BCAS1: variants seen among roughly 807,000 people sequenced by gnomAD.
BCAS1 encodes brain enriched myelin associated protein 1.
In BCAS1, 46 loss-of-function variants were observed where a neutral mutation model predicts 65.4. That is an observed-to-expected ratio of 0.70 (90% CI 0.55 to 0.90). The LOEUF is 0.90. BCAS1 is among the 40% of genes least tolerant of loss of function. The probability of loss-of-function intolerance (pLI) is 0.00; values close to 1 mark genes in which losing one functional copy is unlikely to be tolerated. For synonymous variants in BCAS1, 298 were observed against 293.5 expected, an observed-to-expected ratio of 1.02 and a Z score of -0.16; for missense variants, 793 against 771.2, an observed-to-expected ratio of 1.03 and a Z score of -0.33.
chr20:54,015,830 G>C (rs2091425483), intron 4 of BCAS1, among the ~76,000 whole-genome samples: 2 of 152,130 alleles, frequency 1.3e-5, no homozygotes, highest in African/African-American at 4.8e-5. Flanking sequence ...GCAGTCTAGA[G>C]GAGGAATCGA....
intron 2 of BCAS1, 31 bp downstream of exon 2, chr20:54,058,615 TG>T: frequency 5.3e-6 from 8 of 1,516,404 alleles, no homozygotes; most frequent in South Asian, 5.0e-5. Context: ...TTTTTTTTTC[TG>T]CTGATGCCCC....
rs546272341 is a variant in BCAS1, at chr20:53,965,822, T to C, written c.1485+1084A>G. 2.6e-5 allele frequency among the ~76,000 whole-genome samples: 4 copies of C among 152,264 alleles called. No homozygotes were observed. The South Asian group carries it at 8.3e-4, about 32-fold the overall frequency. On this transcript the variant is annotated intron_variant, in intron 10 of 12. Coordinates refer to ENST00000688948, the MANE Select transcript of BCAS1 (RefSeq NM_001366298.2). Reference sequence around the variant, plus strand: ...CAAATGTAATTCAAAGAAAACCTCATATCATTACCATAATAAGAAAAGCAG... The same window carrying C: ...CAAATGTAATTCAAAGAAAACCTCACATCATTACCATAATAAGAAAAGCAG...
At chr20:54,066,541 C>T (rs1479813253) in intron 1 of BCAS1, among the ~76,000 whole-genome samples, 2 of 152,224 alleles carry the variant, frequency 1.3e-5, no homozygotes, top group African/African-American at 4.8e-5. Context: ...GAAATGTGGC[C>T]TCTAAGGAAT....
intron 2 of BCAS1, 43 bp downstream of exon 2, chr20:54,058,593 CTTTTTTTTTTT>C (rs3043223): frequency 1.6e-6 from 2 of 1,224,768 alleles, no homozygotes; most frequent in East Asian, 3.3e-5. Context: ...ACAGGAAGTT[CTTTTTTTTTTT>C]TTTTTTTTTC....
chr20:54,038,718 T>C (rs972670047), intron 3 of BCAS1, among the ~76,000 whole-genome samples: 1 of 151,482 alleles, frequency 6.6e-6, no homozygotes, highest in Non-Finnish European at 1.5e-5. Context: ...TGTCCATGTA[T>C]GAACATTATT....
intron 8 of BCAS1, among the ~76,000 whole-genome samples, chr20:53,984,906 A>G (rs879631414): frequency 3.9e-5 from 6 of 152,196 alleles, no homozygotes; most frequent in Admixed American, 2.0e-4. Flanking sequence ...GAAGACAGAC[A>G]GCCCCTAGGT....
At chr20:54,036,656 A>C (rs372825657) in intron 3 of BCAS1, among the ~76,000 whole-genome samples, 10 of 151,494 alleles carry the variant, frequency 6.6e-5, no homozygotes, top group East Asian at 3.9e-4. Context: ...CTGAGGATTA[A>C]ATGAAATATT....
Position 54,001,165 on chromosome 20 carries a change from G to A in BCAS1, c.724-5115C>T, listed in dbSNP as rs78504909. ...TAGTTCTGGCTTTTAAGATTTGTTC[G>A]TGAAACTGACTTTGCAAAAATTATG... On this transcript the variant is annotated intron_variant, in intron 4 of 12. Coordinates refer to ENST00000688948, the MANE Select transcript of BCAS1 (RefSeq NM_001366298.2). 1.1e-3 allele frequency among the ~76,000 whole-genome samples: 165 copies of A among 152,208 alleles called. 5 individuals carry two copies. The East Asian group carries it at 0.027, about 25-fold the overall frequency.
Position 54,028,436 on chromosome 20 carries a change from C to G in BCAS1, c.679G>C (p.Val227Leu). ...RAEHQDKVDE[V>L]PGLSGQSDDV... ...TCGGACTGCCCTGATAAGCCAGGAA[C>G]CTCATCCACCTTGTCTTGATGCTCT... is the stretch of plus-strand genomic sequence containing the variant. The change falls in exon 4 of 13, where the codon GTT (valine) becomes CTT (leucine). Residue 227 changes from valine (V) to leucine (L), a missense_variant. Val to Leu is a conservative substitution (Grantham distance 32, BLOSUM62 1). Coordinates refer to ENST00000688948, the MANE Select transcript of BCAS1 (RefSeq NM_001366298.2). The G allele has an allele frequency of 1.2e-6, 2 of 1,614,246 alleles. No individual in the cohort carries two copies. Among genetic ancestry groups the G allele is most frequent in the Non-Finnish European group, 8.5e-7 (1 of 1,180,046 alleles).
chr20:53,998,410 C>G (rs566982969), intron 4 of BCAS1, among the ~76,000 whole-genome samples: 116 of 152,286 alleles, frequency 7.6e-4, no homozygotes, highest in African/African-American at 2.7e-3. Context: ...TTCTGGGAGG[C>G]CTCAGGAAGC....
chr20:54,063,154 A>G (rs538019488), intron 1 of BCAS1, among the ~76,000 whole-genome samples: 22 of 152,334 alleles, frequency 1.4e-4, no homozygotes, highest in African/African-American at 4.1e-4. Context: ...GCCGTATGCC[A>G]GCCCAGTGCT....
intron 7 of BCAS1, among the ~76,000 whole-genome samples, chr20:53,989,259 T>A (rs944931027): frequency 2.0e-5 from 3 of 152,048 alleles, no homozygotes; most frequent in Non-Finnish European, 4.4e-5. Flanking sequence ...AGTGACCAAT[T>A]TTTTTTTCTC....
intron 3 of BCAS1, among the ~76,000 whole-genome samples, chr20:54,045,210 C>CAA (rs11086447): frequency 7.3e-6 from 1 of 136,112 alleles, no homozygotes; most frequent in Non-Finnish European, 1.6e-5. Context: ...GACCTCATCT[C>CAA]AAAAAAAAAA....
chr20:54,003,226 C>CAA (rs36065746), intron 4 of BCAS1, among the ~76,000 whole-genome samples: 25 of 98,558 alleles, frequency 2.5e-4, no homozygotes, highest in Admixed American at 4.5e-4. Flanking sequence ...GCCAAACAGA[C>CAA]AAAAAAAAAA....
intron 4 of BCAS1, among the ~76,000 whole-genome samples, chr20:54,012,568 G>C (rs114121088): frequency 2.0e-5 from 3 of 151,434 alleles, no homozygotes; most frequent in Non-Finnish European, 4.4e-5. Flanking sequence ...AAATAAATTC[G>C]CATGTGGTTT....
At chr20:53,948,511 C>G (rs1002002735) in intron 12 of BCAS1, among the ~76,000 whole-genome samples, 1 of 152,198 alleles carries the variant, frequency 6.6e-6, no homozygotes, top group African/African-American at 2.4e-5. Flanking sequence ...AGGAGGGGCA[C>G]CCCCTTTAGG....
At chr20:54,058,181 G>A in intron 2 of BCAS1, 27 bp from the exon 3 acceptor site, 1 of 1,606,442 alleles carries the variant, frequency 6.2e-7, no homozygotes, top group South Asian at 1.1e-5. Context: ...GGCATTGTGA[G>A]ACAAATCTTC....
chr20:53,992,569 T>C lies in BCAS1; in HGVS notation c.1005A>G (p.Lys335=). The C allele has an allele frequency of 7.3e-7, 1 of 1,365,706 alleles. No homozygotes were observed. 84.6% of individuals were successfully genotyped at this position (1,365,706 alleles called of 1,614,324 possible). A position where few individuals can be genotyped will look rare whatever the true frequency, so the allele number is the denominator to read the frequency against. ...CTAGCCTGGGGCTATCCAGGTGCTT[T>C]TTCTTGGTGCCTCTAGCCTGGATCT... The part of the protein sequence containing the change: ...TSEIQARGTK[K]KHLDSPRLGL... The change falls in exon 7 of 13, where the codon AAA becomes AAG. Residue 335 remains lysine, a synonymous_variant. Coordinates refer to ENST00000688948, the MANE Select transcript of BCAS1 (RefSeq NM_001366298.2).
chr20:54,067,117 G>A (rs1216771025), intron 1 of BCAS1, among the ~76,000 whole-genome samples: 1 of 152,248 alleles, frequency 6.6e-6, no homozygotes, highest in Non-Finnish European at 1.5e-5. Context: ...GCTCATGCCT[G>A]TAATCCCAGC....
Sources: gnomAD v4.1 joint callset for allele counts (sites outside exome capture counted in the v4.1 genomes callset) on GRCh38, gnomAD v4.1.1 for gene constraint, MANE v1.5 for transcripts, NCBI Gene and HGNC (gene_info 2026-07-23, HGNC 2026-07-21) for gene names.